GPA33: variants seen among roughly 807,000 people sequenced by gnomAD.
GPA33 encodes glycoprotein A33.
GPA33 carries 27 observed loss-of-function variants against 35.6 expected under a neutral mutation model. The ratio of observed to expected loss-of-function variants is 0.76; its 90% CI spans 0.56 to 1.04. The LOEUF (loss-of-function observed/expected upper bound fraction) is 1.04, where lower values mean the gene tolerates loss of function less well. Among genes scored for constraint, GPA33 ranks in the 50% least tolerant of loss-of-function variants. The pLI is 0.00. For synonymous variants in GPA33, 176 were observed against 164.0 expected, an observed-to-expected ratio of 1.07 and a Z score of -0.56; for missense variants, 428 against 411.9, an observed-to-expected ratio of 1.04 and a Z score of -0.34.
At chr1:167,067,848 G>A (rs1208092296) in intron 3 of GPA33, among the ~76,000 whole-genome samples, 1 of 152,098 alleles carries the variant, frequency 6.6e-6, no homozygotes, top group Non-Finnish European at 1.5e-5. Context: ...TTAAAGGAAA[G>A]AAAGGAAAAG....
chr1:167,088,082 G>A (rs1667089834), intron 1 of GPA33, among the ~76,000 whole-genome samples: 1 of 152,170 alleles, frequency 6.6e-6, no homozygotes, highest in Non-Finnish European at 1.5e-5. Flanking sequence ...ATTCATCAGT[G>A]CAGTGCTTCC....
At chr1:167,073,788 C>T (rs934918087) in intron 1 of GPA33, among the ~76,000 whole-genome samples, 1 of 152,198 alleles carries the variant, frequency 6.6e-6, no homozygotes, top group Non-Finnish European at 1.5e-5. Context: ...CCCTGAACCT[C>T]AGCCCTACTT....
chr1:167,074,575 C>G (rs1044068289), intron 1 of GPA33, among the ~76,000 whole-genome samples: 1 of 152,112 alleles, frequency 6.6e-6, no homozygotes, highest in Non-Finnish European at 1.5e-5. Flanking sequence ...ATTTTAAGTA[C>G]TGAGTTTTGG....
At chr1:167,088,862 A>G (rs1358015752) in intron 1 of GPA33, among the ~76,000 whole-genome samples, 3 of 152,180 alleles carry the variant, frequency 2.0e-5, no homozygotes. Context: ...CAGCCAGGGA[A>G]GGATGGGTAT....
At chr1:167,074,097 C>A (rs183765068) in intron 1 of GPA33, among the ~76,000 whole-genome samples, 43 of 150,008 alleles carry the variant, frequency 2.9e-4, no homozygotes, top group Admixed American at 1.7e-3. Flanking sequence ...AGGAGTTTAT[C>A]TCGTATGAGT....
chr1:167,090,227 GA>G lies in GPA33; in HGVS notation c.43+17del, dbSNP rs1317530022. ...CTCACCCACCCCTGGGCACTGGAGA[GA>G]AAAGGGGCCTACTCACCTGCACAGA... On this transcript the variant is annotated intron_variant, in intron 1 of 6. Transcript: ENST00000367868. The G allele has an allele frequency of 6.2e-7, 1 of 1,601,544 alleles. No homozygotes were observed. Among genetic ancestry groups the G allele is most frequent in the South Asian group, 1.1e-5 (1 of 90,860 alleles).
At position 167,073,533 on chromosome 1, in the gene GPA33, A is replaced by C. The variant is rs1481145553; in HGVS notation, c.50T>G (p.Val17Gly). The C allele has an allele frequency of 6.2e-7, 1 of 1,613,602 alleles. No individual in the cohort carries two copies. The highest frequency in any genetic ancestry group is 1.7e-5 in the Admixed American group (1 of 59,968). ...PVLWTLCAVRVTVDAISVETP... is the reference protein window; with the variant it reads ...PVLWTLCAVRGTVDAISVETP... Reference sequence around the variant, plus strand: ...TTCCACAGAGATGGCATCGACGGTCACCCTGACTGGAAAGAAAGTAGGCAG... The same window carrying C: ...TTCCACAGAGATGGCATCGACGGTCCCCCTGACTGGAAAGAAAGTAGGCAG... Residue 17 changes from valine (V) to glycine (G), a missense_variant, in exon 2 of 7, where the codon GTG becomes GGG. Coordinates refer to ENST00000367868, the MANE Select transcript of GPA33 (RefSeq NM_005814.3).
At chr1:167,063,468 G>A in intron 4 of GPA33, 114 bp downstream of exon 4, 2 of 847,096 alleles carry the variant, frequency 2.4e-6, no homozygotes, top group Non-Finnish European at 3.7e-6. Context: ...GGGTAGGGAA[G>A]CAAGCGGCCT....
intron 1 of GPA33, among the ~76,000 whole-genome samples, chr1:167,077,636 G>C (rs764067182): frequency 3.9e-5 from 6 of 152,122 alleles, no homozygotes; most frequent in Admixed American, 1.3e-4. Flanking sequence ...TCAAATCAAA[G>C]AGAACCAACC....
chr1:167,075,430 G>A (rs754843175), intron 1 of GPA33, among the ~76,000 whole-genome samples: 3 of 152,182 alleles, frequency 2.0e-5, no homozygotes, highest in Admixed American at 6.5e-5. Context: ...TACATTTGGC[G>A]TGTTAGAGGA....
chr1:167,066,910 G>A, intron 3 of GPA33, among the ~76,000 whole-genome samples: 1 of 152,186 alleles, frequency 6.6e-6, no homozygotes, highest in East Asian at 1.9e-4. Context: ...CGGGCTGAGG[G>A]GCCGCCGGGC....
chr1:167,056,747 T>TGTGTGTA (rs1666294410), intron 4 of GPA33, among the ~76,000 whole-genome samples: 83 of 2,196 alleles, frequency 0.038, no homozygotes, highest in Non-Finnish European at 0.045. Context: ...GTGTGTGTGG[T>TGTGTGTA]GTGTGTATGG....
rs151180521 is a variant in GPA33 at position 167,064,928 on chromosome 1, G to A, written c.416-1191C>T. On this transcript the variant is annotated intron_variant, in intron 3 of 6. Transcript: ENST00000367868. ...GACTCGAGCAGGCAGAGGGCGCAGA[G>A]GTAAGGAGAGGGAAGCCCATAGACT... 2.9e-4 allele frequency among the ~76,000 whole-genome samples: 44 copies of A among 152,284 alleles called. 1 individual carries two copies. In the East Asian group the frequency reaches 7.7e-3, roughly 27 times the overall value.
At chr1:167,073,629 C>A in intron 1 of GPA33, 90 bp from the exon 2 acceptor site, 1 of 1,169,278 alleles carries the variant, frequency 8.6e-7, no homozygotes, top group Non-Finnish European at 1.2e-6. Context: ...AGGGAATGTC[C>A]AGGGCTGTTC....
At chr1:167,074,515 C>A (rs1352830404) in intron 1 of GPA33, among the ~76,000 whole-genome samples, 2 of 152,128 alleles carry the variant, frequency 1.3e-5, no homozygotes, top group African/African-American at 4.8e-5. Flanking sequence ...AGCTACCCTG[C>A]AGATCCCTGC....
In GPA33 at chr1:167,053,672, A is replaced by G. The variant is rs1368705427; in HGVS notation, c.*662T>C. Reference sequence around the variant, plus strand: ...TCCTTGTGATTTGAGATGGGCCTGGAGGGACAGGTACGATATTGACAGGCA... The same window carrying G: ...TCCTTGTGATTTGAGATGGGCCTGGGGGGACAGGTACGATATTGACAGGCA... On this transcript the variant is annotated 3_prime_UTR_variant, in exon 7 of 7. Coordinates refer to ENST00000367868, the MANE Select transcript of GPA33 (RefSeq NM_005814.3). 6.5e-6 allele frequency: 1 copy of G among 152,882 alleles called. No individual in the cohort carries two copies. The highest frequency in any genetic ancestry group is 1.5e-5 in the Non-Finnish European group (1 of 68,558). The allele number at this position is 152,882 out of a possible 1,614,324, so 9.5% of individuals were successfully genotyped here. A position where few individuals can be genotyped will look rare whatever the true frequency, so the allele number is the denominator to read the frequency against.
rs72689400 is a variant in GPA33 at position 167,068,982 on chromosome 1, C to G, written c.355G>C (p.Val119Leu). The G allele has an allele frequency of 6.2e-7, 1 of 1,614,014 alleles. No homozygotes were observed. The highest frequency in any genetic ancestry group is 8.5e-7 in the Non-Finnish European group (1 of 1,180,022). Residue 119 changes from valine (V) to leucine (L), a missense_variant, in exon 3 of 7, where the codon GTC (valine) becomes CTC (leucine). By Grantham distance (32) the Val-to-Leu change is conservative. Coordinates refer to ENST00000367868, the MANE Select transcript of GPA33 (RefSeq NM_005814.3). ...CCCTCCAGGTCTGACATCAGCGAGACAGAACACTCGTAGGTGCCGTTGTCA... is the reference window on the plus strand; with the variant it reads ...CCCTCCAGGTCTGACATCAGCGAGAGAGAACACTCGTAGGTGCCGTTGTCA... ...MADNGTYECS[V>L]SLMSDLEGNT...
intron 3 of GPA33, among the ~76,000 whole-genome samples, chr1:167,066,855 C>A (rs1306385584): frequency 6.6e-6 from 1 of 152,200 alleles, no homozygotes; most frequent in Non-Finnish European, 1.5e-5. Flanking sequence ...CCCCAGTTTT[C>A]CCAGCCGAAA....
At chr1:167,067,564 T>C (rs138086685) in intron 3 of GPA33, among the ~76,000 whole-genome samples, 191 of 152,244 alleles carry the variant, frequency 1.3e-3, no homozygotes, top group Non-Finnish European at 2.3e-3. Context: ...ATACTTCCAT[T>C]GCCCAAAGGA....
Sources: allele counts gnomAD v4.1 joint callset (sites outside exome capture counted in the v4.1 genomes callset), GRCh38; gene constraint gnomAD v4.1.1; transcripts MANE v1.5; gene names NCBI Gene and HGNC (gene_info 2026-07-23, HGNC 2026-07-21).